Variants in NEO1 observed in about 807,000 individuals in gnomAD.
NEO1 encodes neogenin.
A neutral mutation model predicts 159.7 loss-of-function variants in NEO1; 63 were observed. The ratio of observed to expected loss-of-function variants is 0.39; its 90% CI spans 0.32 to 0.49. The LOEUF (loss-of-function observed/expected upper bound fraction) is 0.49. Among genes scored for constraint, NEO1 ranks in the 20% least tolerant of loss-of-function variants. The probability of loss-of-function intolerance (pLI) is 0.85; values close to 1 mark genes in which losing one functional copy is unlikely to be tolerated. For synonymous variants in NEO1, 633 were observed against 662.0 expected, an observed-to-expected ratio of 0.96 and a Z score of 0.67; for missense variants, 1,615 against 1,831.0, an observed-to-expected ratio of 0.88 and a Z score of 2.15.
At chr15:73,247,459 G>A (rs1036185413) in intron 9 of NEO1, among the ~76,000 whole-genome samples, 3 of 152,116 alleles carry the variant, frequency 2.0e-5, no homozygotes, top group Admixed American at 1.3e-4. Flanking sequence ...TAAGTTAGAG[G>A]AAAGTTTTCC....
intron 1 of NEO1, among the ~76,000 whole-genome samples, chr15:73,079,231 AT>A (rs1304799947): frequency 6.6e-6 from 1 of 152,196 alleles, no homozygotes; most frequent in Non-Finnish European, 1.5e-5. Context: ...ATTGTAGGCT[AT>A]TATGCCATGT....
chr15:73,090,131 C>G (rs2069600978), intron 1 of NEO1, among the ~76,000 whole-genome samples: 1 of 152,082 alleles, frequency 6.6e-6, no homozygotes. Flanking sequence ...GAAATATATT[C>G]AAGATACATT....
At chr15:73,215,640 T>G (rs1373654195) in intron 7 of NEO1, among the ~76,000 whole-genome samples, 2 of 152,222 alleles carry the variant, frequency 1.3e-5, no homozygotes, top group Non-Finnish European at 2.9e-5. Context: ...ACACACTTGA[T>G]CATGGTGGAT....
At chr15:73,139,513 A>G (rs1452713263) in intron 5 of NEO1, among the ~76,000 whole-genome samples, 27 of 152,210 alleles carry the variant, frequency 1.8e-4, no homozygotes, top group Admixed American at 1.7e-3. Flanking sequence ...CAAAGCCAAA[A>G]GTTGGTTCTT....
chr15:73,075,300 G>A (rs1286279812), intron 1 of NEO1, among the ~76,000 whole-genome samples: 1 of 152,110 alleles, frequency 6.6e-6, no homozygotes, highest in African/African-American at 2.4e-5. Flanking sequence ...TTTTGGTTGT[G>A]GTGCCTGTGT....
intron 5 of NEO1, among the ~76,000 whole-genome samples, chr15:73,164,715 A>T (rs1435536005): frequency 6.6e-6 from 1 of 152,228 alleles, no homozygotes; most frequent in African/African-American, 2.4e-5. Context: ...GCATACAAAG[A>T]TATGTACAAG....
At chr15:73,274,658 C>T (rs1454323348) in intron 20 of NEO1, 34 bp from the exon 21 acceptor site, 1 of 1,612,102 alleles carries the variant, frequency 6.2e-7, no homozygotes. Flanking sequence ...GATCCTTGCT[C>T]TTGTTTTTTC....
rs2071726040 is a variant in NEO1 at position 73,122,453 on chromosome 15, C to T, written c.449-72C>T. On this transcript the variant is annotated intron_variant, in intron 2 of 28. Coordinates refer to ENST00000261908, the MANE Select transcript of NEO1 (RefSeq NM_002499.4). ...TTGTAGCCATGTGAGCTGACTTGCT[C>T]CTGGCTCCCAAGACAAAATTTTAAA... 4 of 1,455,808 alleles carry T rather than the reference C, an allele frequency of 2.7e-6. No homozygotes were observed. The East Asian group carries it at 7.5e-5, about 27-fold the overall frequency. 90.2% of individuals were successfully genotyped at this position (1,455,808 alleles called of 1,614,324 possible). A position where few individuals can be genotyped will look rare whatever the true frequency, so the allele number is the denominator to read the frequency against.
Position 73,148,402 on chromosome 15 carries a change from A to G in NEO1, c.1015+12375A>G, listed in dbSNP as rs138642166. 9.9e-3 allele frequency among the ~76,000 whole-genome samples: 1,502 copies of G among 152,252 alleles called. 12 individuals are homozygous for G. The highest frequency in any genetic ancestry group is 0.015 in the Non-Finnish European group (1,049 of 68,000). ...GCAGGAAAAGTGGAGCAGTTTTATA[A>G]TTTTTTTAAATGCCCCCTTTCTTGC... On this transcript the variant is annotated intron_variant, in intron 5 of 28. Transcript: ENST00000261908.
rs1320990568 is a variant in NEO1 at position 73,260,442 on chromosome 15, G to T, written c.2375G>T (p.Arg792Leu). 6.2e-7 allele frequency: 1 copy of T among 1,605,872 alleles called. No homozygotes were observed. The highest frequency in any genetic ancestry group is 8.5e-7 in the Non-Finnish European group (1 of 1,174,018). Residue 792 changes from arginine to leucine, a missense_variant, in exon 15 of 29, where the codon CGC becomes CTC. Arg to Leu is a moderately radical substitution (Grantham distance 102). Around this residue, in one of 3 missense-constraint regions of NEO1, gnomAD observed 1,018 missense variants for 1,115.4 expected, o/e 0.91. Transcript: ENST00000261908. ...AQTIKVDYKQRYYTIENLDPS... is the reference protein window; with the variant it reads ...AQTIKVDYKQLYYTIENLDPS... Reference sequence around the variant, plus strand: ...ACCATCAAAGTGGACTATAAACAGCGCTATTACACCATTGAAAATCTGGGT... The same window carrying T: ...ACCATCAAAGTGGACTATAAACAGCTCTATTACACCATTGAAAATCTGGGT...
At chr15:73,229,646 G>A (rs1470786382) in intron 7 of NEO1, among the ~76,000 whole-genome samples, 1 of 151,978 alleles carries the variant, frequency 6.6e-6, no homozygotes, top group Non-Finnish European at 1.5e-5. Flanking sequence ...TAATCTTAGG[G>A]AAAAAGCATT....
At chr15:73,197,841 T>C (rs9806496) in intron 7 of NEO1, among the ~76,000 whole-genome samples, 52,352 of 151,668 alleles carry the variant, frequency 0.35, 9,802 homozygotes, top group Admixed American at 0.46. Flanking sequence ...CTACCATGCC[T>C]GGCTAATTTT....
intron 5 of NEO1, chr15:73,161,842 T>C (rs565887285): frequency 8.0e-6 from 2 of 249,814 alleles, no homozygotes; most frequent in South Asian, 1.1e-4. Flanking sequence ...AGCAATTCTT[T>C]ATATAATTGA....
intron 13 of NEO1, among the ~76,000 whole-genome samples, chr15:73,257,183 ATAAC>A (rs200231938): frequency 0.011 from 1,640 of 148,696 alleles, 31 homozygotes; most frequent in African/African-American, 0.039. Context: ...ATTCAGATAA[ATAAC>A]ATTTGCCATT....
intron 4 of NEO1, among the ~76,000 whole-genome samples, chr15:73,126,851 C>T (rs895653922): frequency 4.6e-5 from 7 of 152,016 alleles, no homozygotes; most frequent in Non-Finnish European, 8.8e-5. Flanking sequence ...TAAATTGTTG[C>T]AAGAGCTTTG....
intron 1 of NEO1, among the ~76,000 whole-genome samples, chr15:73,062,036 A>G (rs2068005425): frequency 6.6e-6 from 1 of 152,224 alleles, no homozygotes; most frequent in Admixed American, 6.5e-5. Flanking sequence ...AAACCATAGA[A>G]TAAGTTTGTG....
chr15:73,248,829 G>A (rs1001252978), intron 9 of NEO1, among the ~76,000 whole-genome samples: 8 of 151,926 alleles, frequency 5.3e-5, no homozygotes, highest in African/African-American at 1.5e-4. Flanking sequence ...TGCAAAACTG[G>A]GATTTTATAA....
chr15:73,177,741 G>C (rs1024440689), intron 6 of NEO1, among the ~76,000 whole-genome samples: 4 of 152,074 alleles, frequency 2.6e-5, no homozygotes. Context: ...GGGTTTCACT[G>C]TGTTGCTCAG....
intron 7 of NEO1, 163 bp from the exon 8 acceptor site, chr15:73,236,184 C>A: frequency 2.3e-6 from 2 of 868,688 alleles, no homozygotes; most frequent in Non-Finnish European, 3.5e-6. Context: ...TATTTCCCAT[C>A]GTGGTTTTGT....
Sources: gnomAD v4.1 joint callset for allele counts (sites outside exome capture counted in the v4.1 genomes callset) on GRCh38, gnomAD v4.1.1 for gene constraint, gnomAD v4.1.1 regional missense constraint, MANE v1.5 for transcripts, NCBI Gene and HGNC (gene_info 2026-07-23, HGNC 2026-07-21) for gene names.